Variants in KCNIP4 observed in about 807,000 individuals in gnomAD.
The protein encoded by KCNIP4 is Kv channel-interacting protein 4.
A neutral mutation model predicts 34.0 loss-of-function variants in KCNIP4; 12 were observed. The observed-to-expected ratio is 0.35, with a 90% CI of 0.23 to 0.57. The LOEUF (loss-of-function observed/expected upper bound fraction) is 0.57, where lower values mean the gene tolerates loss of function less well. KCNIP4 is among the 20% of genes least tolerant of loss of function. KCNIP4 has a pLI of 0.83. For missense variants in KCNIP4, 238 were observed against 311.7 expected (o/e 0.76, Z 1.78); for synonymous variants, 124 against 102.2 (o/e 1.21, Z -1.29).
At chr4:21,606,521 A>C (rs1331517672) in intron 1 of KCNIP4, among the ~76,000 whole-genome samples, 1 of 152,168 alleles carries the variant, frequency 6.6e-6, no homozygotes, top group Non-Finnish European at 1.5e-5. Flanking sequence ...AGGTGTCAGC[A>C]GGGCTGTGTT....
At chr4:20,980,963 A>AT (rs372659709) in intron 1 of KCNIP4, among the ~76,000 whole-genome samples, 148 of 152,270 alleles carry the variant, frequency 9.7e-4, no homozygotes, top group African/African-American at 3.3e-3. Flanking sequence ...TGATAATCTA[A>AT]TTTTTTATGG....
intron 2 of KCNIP4, among the ~76,000 whole-genome samples, chr4:20,871,664 A>G (rs1290440656): frequency 1.3e-5 from 2 of 152,106 alleles, no homozygotes; most frequent in Non-Finnish European, 2.9e-5. Context: ...TGTATTTAAC[A>G]TTCATTCAAC....
chr4:21,635,355 C>G (rs899162681), intron 1 of KCNIP4, among the ~76,000 whole-genome samples: 1 of 152,134 alleles, frequency 6.6e-6, no homozygotes, highest in Non-Finnish European at 1.5e-5. Flanking sequence ...GCCCAGAGTT[C>G]TAGAGAAGGA....
chr4:21,165,847 C>T (rs554628609), intron 1 of KCNIP4, among the ~76,000 whole-genome samples: 1 of 152,228 alleles, frequency 6.6e-6, no homozygotes, highest in African/African-American at 2.4e-5. Context: ...TTAAGAGGTG[C>T]GGCCTTTAAG....
At chr4:21,727,592 G>A (rs957037082) in intron 1 of KCNIP4, among the ~76,000 whole-genome samples, 3 of 152,126 alleles carry the variant, frequency 2.0e-5, no homozygotes, top group African/African-American at 7.2e-5. Flanking sequence ...ACTGTGGGAG[G>A]CCGAGGTGGG....
At chr4:21,149,582 G>A (rs1752615463) in intron 1 of KCNIP4, among the ~76,000 whole-genome samples, 1 of 152,094 alleles carries the variant, frequency 6.6e-6, no homozygotes, top group South Asian at 2.1e-4. Flanking sequence ...AAAAGGACAT[G>A]GTTGACATAA....
chr4:21,140,207 G>A (rs1254268582), intron 1 of KCNIP4, among the ~76,000 whole-genome samples: 1 of 152,038 alleles, frequency 6.6e-6, no homozygotes. Context: ...TGTTTTGCTG[G>A]TTACTACCTG....
chr4:21,757,198 G>GGAAGGAAA, intron 1 of KCNIP4, among the ~76,000 whole-genome samples: 1 of 39,562 alleles, frequency 2.5e-5, no homozygotes, highest in East Asian at 5.4e-4. Flanking sequence ...AAGGAAGGAA[G>GGAAGGAAA]GAAAGAAAGA....
At chr4:21,042,537 G>C (rs545217163) in intron 1 of KCNIP4, among the ~76,000 whole-genome samples, 5 of 152,118 alleles carry the variant, frequency 3.3e-5, no homozygotes, top group Non-Finnish European at 5.9e-5. Context: ...ATGAAGCAGA[G>C]GGGGAGGGGA....
intron 1 of KCNIP4, among the ~76,000 whole-genome samples, chr4:21,025,950 C>G (rs1282373882): frequency 6.6e-6 from 1 of 152,230 alleles, no homozygotes; most frequent in African/African-American, 2.4e-5. Context: ...GTGATATAAA[C>G]GTAAACAAAA....
intron 1 of KCNIP4, among the ~76,000 whole-genome samples, chr4:21,213,490 TG>T (rs1560179244): frequency 6.6e-6 from 1 of 151,876 alleles, no homozygotes; most frequent in African/African-American, 2.4e-5. Flanking sequence ...TTAGTAGAAA[TG>T]GGGTTTCACC....
chr4:21,947,541 A>G (rs548942383), intron 1 of KCNIP4, among the ~76,000 whole-genome samples: 5 of 152,324 alleles, frequency 3.3e-5, no homozygotes, highest in Admixed American at 2.6e-4. Context: ...TCTCATGGCC[A>G]TAAATTCGAA....
chr4:21,652,480 G>A (rs977794623), intron 1 of KCNIP4, among the ~76,000 whole-genome samples: 11 of 152,138 alleles, frequency 7.2e-5, no homozygotes, highest in African/African-American at 2.7e-4. Context: ...ACAGACACAA[G>A]CTAAAGACAT....
intron 1 of KCNIP4, among the ~76,000 whole-genome samples, chr4:21,588,412 C>T (rs1741821697): frequency 1.3e-5 from 2 of 151,848 alleles, no homozygotes; most frequent in South Asian, 4.1e-4. Flanking sequence ...AACCTTAAAC[C>T]AAAGGAGAAA....
intron 1 of KCNIP4, among the ~76,000 whole-genome samples, chr4:21,574,130 C>G (rs1027963433): frequency 4.6e-5 from 7 of 152,006 alleles, no homozygotes; most frequent in African/African-American, 1.7e-4. Flanking sequence ...GGTTTATGGG[C>G]AGAAATTTTC....
chr4:20,814,197 T>A (rs1341967739), intron 3 of KCNIP4, among the ~76,000 whole-genome samples: 3 of 152,168 alleles, frequency 2.0e-5, no homozygotes, highest in African/African-American at 7.2e-5. Flanking sequence ...TGAAACAGAA[T>A]TTGCCTTTTG....
chr4:21,933,209 T>C (rs1466925978), intron 1 of KCNIP4, among the ~76,000 whole-genome samples: 1 of 152,052 alleles, frequency 6.6e-6, no homozygotes, highest in Non-Finnish European at 1.5e-5. Context: ...GATCAGATAA[T>C]GTGATGTGAC....
chr4:21,497,800 T>C (rs1732973644), intron 1 of KCNIP4, among the ~76,000 whole-genome samples: 1 of 152,168 alleles, frequency 6.6e-6, no homozygotes, highest in South Asian at 2.1e-4. Flanking sequence ...AAACTTTATA[T>C]AATTCATAAA....
At chr4:20,873,885 A>G (rs577151559) in intron 2 of KCNIP4, among the ~76,000 whole-genome samples, 1 of 152,220 alleles carries the variant, frequency 6.6e-6, no homozygotes, top group Admixed American at 6.5e-5. Context: ...GCTAAGCTTT[A>G]TCTTTTGAAG....
Sources: gnomAD v4.1 joint callset for allele counts (sites outside exome capture counted in the v4.1 genomes callset) on GRCh38, gnomAD v4.1.1 for gene constraint, MANE v1.5 for transcripts, NCBI Gene and HGNC (gene_info 2026-07-23, HGNC 2026-07-21) for gene names.